Variants in KCNIP4 observed in about 807,000 individuals in gnomAD.
KCNIP4 encodes the protein Kv channel-interacting protein 4.
KCNIP4 carries 12 observed loss-of-function variants against 34.0 expected under a neutral mutation model. The observed-to-expected ratio is 0.35, with a 90% confidence interval of 0.23 to 0.57. KCNIP4 has a LOEUF of 0.57. Among genes scored for constraint, KCNIP4 ranks in the 20% least tolerant of loss-of-function variants. KCNIP4 has a pLI of 0.83. For synonymous variants in KCNIP4, 124 were observed against 102.2 expected (o/e 1.21, Z -1.29); for missense variants, 238 against 311.7 (o/e 0.76, Z 1.78).
At chr4:21,317,918 C>G (rs142445943) in intron 1 of KCNIP4, among the ~76,000 whole-genome samples, 1 of 152,176 alleles carries the variant, frequency 6.6e-6, no homozygotes, top group African/African-American at 2.4e-5. Context: ...ATTGTGAGGC[C>G]TCCCCAGCCA....
chr4:20,865,101 T>C (rs1722734346), intron 2 of KCNIP4, among the ~76,000 whole-genome samples: 1 of 152,076 alleles, frequency 6.6e-6, no homozygotes, highest in African/African-American at 2.4e-5. Context: ...ACCCTGCTTT[T>C]ATAGATAAAG....
intron 2 of KCNIP4, among the ~76,000 whole-genome samples, chr4:20,881,498 G>A (rs765056830): frequency 6.6e-6 from 1 of 151,620 alleles, no homozygotes; most frequent in Non-Finnish European, 1.5e-5. Context: ...CTGATTCTAA[G>A]AGTTGTTTGA....
intron 1 of KCNIP4, among the ~76,000 whole-genome samples, chr4:20,888,756 A>G (rs571766695): frequency 1.3e-5 from 2 of 152,230 alleles, no homozygotes; most frequent in South Asian, 2.1e-4. Context: ...AAATAATCCT[A>G]GTTTACCTCA....
intron 3 of KCNIP4, among the ~76,000 whole-genome samples, chr4:20,807,344 C>A (rs1293544357): frequency 1.3e-5 from 2 of 152,052 alleles, no homozygotes; most frequent in African/African-American, 2.4e-5. Flanking sequence ...AGTGTGAAGA[C>A]CCTGTAATCA....
intron 1 of KCNIP4, among the ~76,000 whole-genome samples, chr4:21,067,288 CAG>C (rs1744482911): frequency 6.6e-6 from 1 of 152,104 alleles, no homozygotes; most frequent in Non-Finnish European, 1.5e-5. Flanking sequence ...GGGTGAGACT[CAG>C]AGGTGTGCTG....
chr4:20,918,008 C>A (rs931181468), intron 1 of KCNIP4, among the ~76,000 whole-genome samples: 3 of 152,060 alleles, frequency 2.0e-5, no homozygotes, highest in African/African-American at 7.2e-5. Flanking sequence ...TTCCTCCTTT[C>A]CAAGAAAAGT....
intron 1 of KCNIP4, among the ~76,000 whole-genome samples, chr4:21,501,665 C>T (rs1733351442): frequency 8.3e-6 from 1 of 120,626 alleles, no homozygotes; most frequent in Non-Finnish European, 1.8e-5. Context: ...TCCTCAAATT[C>T]ACATTTTGGG....
Position 21,709,510 on chromosome 4 carries a change from A to T in KCNIP4, c.61+239061T>A, listed in dbSNP as rs531714688. ...TCACATTGTCTCAGTTATAAATGGC[A>T]TTGCCCTATTTTTCACTTGAAATTG... On this transcript the variant is annotated intron_variant, in intron 1 of 8. Transcript: ENST00000382152. Among the ~76,000 whole-genome samples, 4 of 152,320 alleles carry T rather than the reference A, an allele frequency of 2.6e-5. No homozygotes were observed. In the East Asian group the frequency reaches 7.7e-4, roughly 29 times the overall value.
intron 1 of KCNIP4, among the ~76,000 whole-genome samples, chr4:21,677,565 A>C (rs1750006507): frequency 6.6e-6 from 1 of 152,090 alleles, no homozygotes; most frequent in African/African-American, 2.4e-5. Flanking sequence ...GCAATGGTGG[A>C]GCCTCTCCAC....
At chr4:21,136,924 T>C (rs1751541089) in intron 1 of KCNIP4, among the ~76,000 whole-genome samples, 1 of 152,152 alleles carries the variant, frequency 6.6e-6, no homozygotes, top group South Asian at 2.1e-4. Flanking sequence ...TACCTTTTTA[T>C]GATGCTATAC....
intron 1 of KCNIP4, among the ~76,000 whole-genome samples, chr4:21,618,331 G>T (rs1043405942): frequency 1.3e-5 from 2 of 152,032 alleles, no homozygotes; most frequent in African/African-American, 4.8e-5. Flanking sequence ...TTGAGTTAAA[G>T]CCCATTTAAA....
intron 1 of KCNIP4, among the ~76,000 whole-genome samples, chr4:21,928,774 G>A (rs994961732): frequency 6.6e-6 from 1 of 151,580 alleles, no homozygotes; most frequent in African/African-American, 2.4e-5. Flanking sequence ...CTCCTATTTC[G>A]CAGAATGCAA....
intron 3 of KCNIP4, among the ~76,000 whole-genome samples, chr4:20,821,443 T>A (rs1717091249): frequency 6.6e-6 from 1 of 152,202 alleles, no homozygotes; most frequent in African/African-American, 2.4e-5. Context: ...CTCATCCATA[T>A]CCGAGTTAGA....
chr4:21,363,267 C>G (rs766044586), intron 1 of KCNIP4, among the ~76,000 whole-genome samples: 6 of 152,112 alleles, frequency 3.9e-5, no homozygotes, highest in Non-Finnish European at 5.9e-5. Context: ...ATTGAACTAC[C>G]TAGTTAGGTA....
chr4:21,738,584 C>T (rs1716177121), intron 1 of KCNIP4, among the ~76,000 whole-genome samples: 1 of 152,180 alleles, frequency 6.6e-6, no homozygotes, highest in Non-Finnish European at 1.5e-5. Context: ...GTATTTTATG[C>T]TTACATGTGT....
intron 3 of KCNIP4, among the ~76,000 whole-genome samples, chr4:20,801,307 G>T (rs1229759568): frequency 1.3e-5 from 2 of 148,576 alleles, no homozygotes. Context: ...AAAAAGAAAA[G>T]AAAAAAGGCA....
intron 1 of KCNIP4, among the ~76,000 whole-genome samples, chr4:21,548,290 T>A (rs757613694): frequency 1.3e-5 from 2 of 152,106 alleles, no homozygotes; most frequent in Non-Finnish European, 2.9e-5. Context: ...CATTTAATTT[T>A]GTGATTTCTT....
At position 21,178,373 on chromosome 4, in the gene KCNIP4, C is replaced by A. The variant is rs143705208; in HGVS notation, c.62-295664G>T. The stretch of plus-strand genomic sequence containing the variant: ...TTGTTGATGTTTTACTTGTCTAGAG[C>A]ATTGCTTTTCAAATTTGAAGATGGC... On this transcript the variant is annotated intron_variant, in intron 1 of 8. Coordinates refer to ENST00000382152, the MANE Select transcript of KCNIP4 (RefSeq NM_025221.6). 7.1e-3 allele frequency among the ~76,000 whole-genome samples: 1,084 copies of A among 152,268 alleles called. 20 individuals carry two copies. Among genetic ancestry groups the A allele is most frequent in the African/African-American group, 0.025 (1,025 of 41,564 alleles).
chr4:20,811,712 G>C (rs1262745671), intron 3 of KCNIP4, among the ~76,000 whole-genome samples: 1 of 151,806 alleles, frequency 6.6e-6, no homozygotes, highest in Non-Finnish European at 1.5e-5. Flanking sequence ...GGAGGGGAGA[G>C]GAGTCAAGAA....
Sources: allele counts gnomAD v4.1 joint callset (sites outside exome capture counted in the v4.1 genomes callset), GRCh38; gene constraint gnomAD v4.1.1; transcripts MANE v1.5; gene names NCBI Gene and HGNC (gene_info 2026-07-23, HGNC 2026-07-21).